Variants in LTBP1 observed in about 807,000 individuals in gnomAD.
LTBP1 encodes latent transforming growth factor beta binding protein 1.
Under a neutral mutation model 207.6 loss-of-function variants are expected in LTBP1, and 129 were observed. That is an observed-to-expected ratio of 0.62 (90% confidence interval 0.54 to 0.72). LTBP1 has a LOEUF of 0.72. Among genes scored for constraint, LTBP1 ranks in the 30% least tolerant of loss-of-function variants. The pLI is 0.00. For synonymous variants in LTBP1, 963 were observed against 833.7 expected, an observed-to-expected ratio of 1.16 and a Z score of -2.67; for missense variants, 2,281 against 2,217.2, an observed-to-expected ratio of 1.03 and a Z score of -0.58.
chr2:33,039,243 G>A (rs2076069104), intron 3 of LTBP1, among the ~76,000 whole-genome samples: 1 of 151,934 alleles, frequency 6.6e-6, no homozygotes, highest in Admixed American at 6.6e-5. Context: ...TAATTTAGGG[G>A]TAGGAAAGGG....
chr2:33,018,496 C>T (rs1274270887), intron 2 of LTBP1, among the ~76,000 whole-genome samples: 2 of 152,158 alleles, frequency 1.3e-5, no homozygotes, highest in African/African-American at 2.4e-5. Flanking sequence ...CAGGCCAAGG[C>T]ACAGCTTTGA....
intron 3 of LTBP1, among the ~76,000 whole-genome samples, chr2:33,089,060 G>A (rs1372297927): frequency 6.6e-6 from 1 of 151,052 alleles, no homozygotes; most frequent in Admixed American, 6.6e-5. Context: ...GGAGGCTGAG[G>A]CAGGAGAATC....
intron 7 of LTBP1, among the ~76,000 whole-genome samples, chr2:33,210,552 T>C (rs1204925674): frequency 6.6e-6 from 1 of 152,248 alleles, no homozygotes; most frequent in Non-Finnish European, 1.5e-5. Flanking sequence ...GGAAGCAATA[T>C]AAACTTTTTT....
intron 21 of LTBP1, among the ~76,000 whole-genome samples, chr2:33,301,125 A>C (rs2093981910): frequency 6.6e-6 from 1 of 152,166 alleles, no homozygotes; most frequent in African/African-American, 2.4e-5. Context: ...TTGACCTTAG[A>C]CTTTTTAAAG....
At chr2:33,058,998 A>G (rs1360939651) in intron 3 of LTBP1, among the ~76,000 whole-genome samples, 1 of 152,210 alleles carries the variant, frequency 6.6e-6, no homozygotes, top group Admixed American at 6.5e-5. Flanking sequence ...ACAGCCATAC[A>G]CATTTACTGC....
At chr2:33,369,394 ACATT>A (rs1380088120) in intron 31 of LTBP1, among the ~76,000 whole-genome samples, 1 of 152,162 alleles carries the variant, frequency 6.6e-6, no homozygotes, top group Non-Finnish European at 1.5e-5. Context: ...TCCAGCATAC[ACATT>A]CATTGACATT....
At chr2:33,329,189 C>T (rs963514391) in intron 24 of LTBP1, among the ~76,000 whole-genome samples, 1 of 152,156 alleles carries the variant, frequency 6.6e-6, no homozygotes, top group African/African-American at 2.4e-5. Flanking sequence ...TGTCATTCCT[C>T]TTAAGGTTTA....
chr2:33,180,552 A>T (rs182955569), intron 5 of LTBP1, among the ~76,000 whole-genome samples: 1 of 151,672 alleles, frequency 6.6e-6, no homozygotes, highest in East Asian at 1.9e-4. Flanking sequence ...CCCGCGTTCA[A>T]GTGATTCTCA....
intron 2 of LTBP1, 59 bp downstream of exon 2, chr2:32,949,004 C>T: frequency 1.3e-6 from 2 of 1,544,850 alleles, no homozygotes; most frequent in African/African-American, 1.4e-5. Context: ...GAGGTGTCCA[C>T]ATGGGGGCAT....
chr2:33,374,538 G>C (rs191809220), intron 31 of LTBP1, among the ~76,000 whole-genome samples: 1 of 152,346 alleles, frequency 6.6e-6, no homozygotes, highest in Non-Finnish European at 1.5e-5. Context: ...TGCGGGCACA[G>C]AGAATATCTA....
rs980642417 is a variant in LTBP1 at position 33,215,578 on chromosome 2, G to T, written c.1702-1974G>T. ...TTGGACCTGGCAGAAAAGAAACGCT[G>T]CCCCTGGAGGCCTGCCAGGTGACTG... is the stretch of plus-strand genomic sequence containing the variant. On this transcript the variant is annotated intron_variant, in intron 7 of 33. Transcript: ENST00000404816. Among the ~76,000 whole-genome samples, 5 of 152,098 alleles carry T rather than the reference G, an allele frequency of 3.3e-5. No homozygotes were observed. The East Asian group carries it at 9.6e-4, about 29-fold the overall frequency.
chr2:33,086,458 G>A (rs1257562373), intron 3 of LTBP1, among the ~76,000 whole-genome samples: 1 of 152,196 alleles, frequency 6.6e-6, no homozygotes, highest in Non-Finnish European at 1.5e-5. Context: ...GCAGCAGCAG[G>A]CCCAGGAGGG....
chr2:33,388,282 C>G (rs938290200), intron 31 of LTBP1, among the ~76,000 whole-genome samples: 4 of 152,112 alleles, frequency 2.6e-5, no homozygotes, highest in African/African-American at 4.8e-5. Context: ...AATATGGCCT[C>G]AGGAGGTGAA....
At chr2:33,343,104 C>G in intron 25 of LTBP1, 141 bp downstream of exon 25, 1 of 1,034,420 alleles carries the variant, frequency 9.7e-7, no homozygotes, top group South Asian at 1.9e-5. Flanking sequence ...TGAGGATGTG[C>G]AAAAATATCC....
At chr2:33,131,644 G>C (rs564678206) in intron 4 of LTBP1, among the ~76,000 whole-genome samples, 1 of 152,168 alleles carries the variant, frequency 6.6e-6, no homozygotes, top group Non-Finnish European at 1.5e-5. Context: ...GGGAGGACCC[G>C]CTTAGAATAC....
At chr2:32,988,462 A>T (rs577934585) in intron 2 of LTBP1, among the ~76,000 whole-genome samples, 1 of 152,202 alleles carries the variant, frequency 6.6e-6, no homozygotes, top group Non-Finnish European at 1.5e-5. Flanking sequence ...TTCAGGTTAT[A>T]TGGAGCCAGC....
At chr2:33,097,565 C>G (rs184083583) in intron 3 of LTBP1, among the ~76,000 whole-genome samples, 1 of 152,130 alleles carries the variant, frequency 6.6e-6, no homozygotes, top group Admixed American at 6.5e-5. Flanking sequence ...TGTTAAAATT[C>G]AACTTTATTT....
chr2:33,377,683 T>C (rs927228825), intron 31 of LTBP1, among the ~76,000 whole-genome samples: 1 of 152,224 alleles, frequency 6.6e-6, no homozygotes, highest in Non-Finnish European at 1.5e-5. Context: ...GCAACACTTA[T>C]TTTTAGTTAA....
chr2:33,341,856 AGTT>A (rs1282112612), intron 24 of LTBP1, among the ~76,000 whole-genome samples: 6 of 151,780 alleles, frequency 4.0e-5, no homozygotes, highest in Non-Finnish European at 8.8e-5. Flanking sequence ...TTTCTTTAAC[AGTT>A]GTTACCTGAT....
Sources: gnomAD v4.1 joint callset for allele counts (sites outside exome capture counted in the v4.1 genomes callset) on GRCh38, gnomAD v4.1.1 for gene constraint, MANE v1.5 for transcripts, NCBI Gene and HGNC (gene_info 2026-07-23, HGNC 2026-07-21) for gene names.